The following SYCP2L variants were observed in gnomAD, a reference collection of about 807,000 sequenced individuals.
SYCP2L encodes synaptonemal complex protein 2 like.
SYCP2L carries 98 observed loss-of-function variants against 125.8 expected under a neutral mutation model. The observed-to-expected ratio is 0.78, with a 90% CI of 0.66 to 0.92. The LOEUF (loss-of-function observed/expected upper bound fraction) is 0.92, where lower values mean the gene tolerates loss of function less well. Ranked by LOEUF, SYCP2L falls within the 40% of genes least tolerant of loss-of-function variation. The pLI is 0.00. For synonymous variants in SYCP2L, 317 were observed against 325.4 expected (o/e 0.97, Z 0.28); for missense variants, 842 against 936.4 (o/e 0.90, Z 1.32).
chr6:10,927,208 TA>T (rs1780912883), intron 16 of SYCP2L, 31 bp from the exon 17 acceptor site: 1 of 1,612,802 alleles, frequency 6.2e-7, no homozygotes. Context: ...TGTGCACGGT[TA>T]TTATATTAGT....
At chr6:10,937,419 C>T (rs1215415498) in intron 21 of SYCP2L, among the ~76,000 whole-genome samples, 7 of 151,966 alleles carry the variant, frequency 4.6e-5, no homozygotes, top group Admixed American at 4.6e-4. Context: ...CCAAAATTTA[C>T]AGGATGCAGC....
At chr6:10,914,650 T>G (rs1260195272) in intron 14 of SYCP2L, among the ~76,000 whole-genome samples, 3 of 152,148 alleles carry the variant, frequency 2.0e-5, no homozygotes, top group Non-Finnish European at 4.4e-5. Context: ...TGTTTCCATT[T>G]GTTTGTGTCG....
At chr6:10,889,393 C>G (rs565861867) in intron 1 of SYCP2L, among the ~76,000 whole-genome samples, 8 of 152,254 alleles carry the variant, frequency 5.3e-5, no homozygotes, top group African/African-American at 1.7e-4. Flanking sequence ...ATATCCATCA[C>G]CTCAAATATT....
At chr6:10,957,374 T>C (rs1224106075) in intron 25 of SYCP2L, among the ~76,000 whole-genome samples, 1 of 152,202 alleles carries the variant, frequency 6.6e-6, no homozygotes, top group Non-Finnish European at 1.5e-5. Context: ...TTTGCCCCAG[T>C]GGGACCAAGT....
In SYCP2L at chr6:10,966,277, A is replaced by C. The variant is rs147310122; in HGVS notation, c.*37+2434A>C. The stretch of plus-strand genomic sequence containing the variant: ...TATTAGGGAATCTACTAATACATTA[A>C]TTACCAGTAGATCTAGGGAGAAAAA... On this transcript the variant is annotated intron_variant, in intron 29 of 29. Transcript: ENST00000283141. Among the ~76,000 whole-genome samples the C allele has an allele frequency of 3.3e-4, 51 of 152,328 alleles. 1 individual carries two copies. The East Asian group carries it at 8.7e-3, about 26-fold the overall frequency.
chr6:10,956,416 T>C (rs7759825), intron 25 of SYCP2L, among the ~76,000 whole-genome samples, 174 bp downstream of exon 25: 42,333 of 151,960 alleles, frequency 0.28, 5,981 homozygotes, highest in Middle Eastern at 0.32. Flanking sequence ...TTAGAGGAAA[T>C]GGGAGATGTT....
At chr6:10,930,264 C>T in intron 18 of SYCP2L, 106 bp from the exon 19 acceptor site, 1 of 1,194,176 alleles carries the variant, frequency 8.4e-7, no homozygotes, top group East Asian at 2.4e-5. Context: ...GCCCAGTCTT[C>T]TAGAAGGGTA....
Position 10,906,703 on chromosome 6 carries a change from C to T in SYCP2L, c.676+649C>T, listed in dbSNP as rs537704553. 4.6e-5 allele frequency among the ~76,000 whole-genome samples: 7 copies of T among 151,678 alleles called. No homozygotes were observed. In the East Asian group the frequency reaches 5.8e-4, roughly 13 times the overall value. On this transcript the variant is annotated intron_variant, in intron 9 of 29. Transcript: ENST00000283141. Reference sequence around the variant, plus strand: ...GCCTCCGCCTCCCGTTTTCAAGCGACTCTCCTGCCTCAGCCTCCCGAGTAG... The same window carrying T: ...GCCTCCGCCTCCCGTTTTCAAGCGATTCTCCTGCCTCAGCCTCCCGAGTAG...
At position 10,963,836 on chromosome 6, in the gene SYCP2L, G is replaced by A. The variant is rs778379196; in HGVS notation, c.*30G>A. 2.5e-6 allele frequency: 4 copies of A among 1,613,308 alleles called. No homozygotes were observed. The highest frequency in any genetic ancestry group is 3.3e-5 in the Admixed American group (2 of 60,004). On this transcript the variant is annotated 3_prime_UTR_variant, in exon 29 of 30. Transcript: ENST00000283141. Reference sequence around the variant, plus strand: ...GCCAAAGCCTGGTTTTATGATTGCAGCCCTCAGGTAGGTGCAAAGATTTGC... The same window carrying A: ...GCCAAAGCCTGGTTTTATGATTGCAACCCTCAGGTAGGTGCAAAGATTTGC...
chr6:10,889,034 G>T (rs1208936826), intron 1 of SYCP2L, among the ~76,000 whole-genome samples: 3 of 151,960 alleles, frequency 2.0e-5, no homozygotes, highest in Non-Finnish European at 4.4e-5. Flanking sequence ...GCTAATTTTT[G>T]TATTTTTTAG....
intron 23 of SYCP2L, among the ~76,000 whole-genome samples, chr6:10,947,933 T>C (rs897389504): frequency 2.9e-4 from 44 of 152,172 alleles, no homozygotes; most frequent in African/African-American, 1.1e-3. Context: ...CATAATTTGC[T>C]CTGAGTTTTT....
chr6:10,927,476 T>C (rs1420281351), intron 17 of SYCP2L, 109 bp downstream of exon 17: 2 of 818,226 alleles, frequency 2.4e-6, no homozygotes, highest in African/African-American at 3.4e-5. Context: ...ACATCACATG[T>C]CGGTAGGTTC....
At chr6:10,941,093 A>G (rs1249803698) in intron 21 of SYCP2L, among the ~76,000 whole-genome samples, 3 of 152,248 alleles carry the variant, frequency 2.0e-5, no homozygotes, top group African/African-American at 4.8e-5. Flanking sequence ...AAAATCGTCT[A>G]GCCGTATGTA....
chr6:10,947,913 C>G (rs1421630361), intron 23 of SYCP2L, among the ~76,000 whole-genome samples: 1 of 151,966 alleles, frequency 6.6e-6, no homozygotes, highest in Non-Finnish European at 1.5e-5. Flanking sequence ...TAAAGAAGTT[C>G]CTTTCTACTC....
At chr6:10,944,228 T>A (rs537217362) in intron 23 of SYCP2L, among the ~76,000 whole-genome samples, 1 of 152,356 alleles carries the variant, frequency 6.6e-6, no homozygotes, top group Non-Finnish European at 1.5e-5. Context: ...TTCTGATATA[T>A]GTGTGTGTGG....
At chr6:10,888,486 G>C (rs1318325604) in intron 1 of SYCP2L, among the ~76,000 whole-genome samples, 1 of 152,110 alleles carries the variant, frequency 6.6e-6, no homozygotes, top group East Asian at 1.9e-4. Flanking sequence ...TTTCCTGTCA[G>C]GTTCCTACCC....
intron 10 of SYCP2L, among the ~76,000 whole-genome samples, chr6:10,909,423 C>T (rs374401758): frequency 3.9e-5 from 6 of 152,132 alleles, no homozygotes; most frequent in South Asian, 2.1e-4. Flanking sequence ...CCACCACGTC[C>T]GGCCCGAATT....
intron 9 of SYCP2L, 65 bp from the exon 10 acceptor site, chr6:10,907,477 G>A: frequency 1.3e-6 from 2 of 1,487,394 alleles, no homozygotes; most frequent in South Asian, 2.7e-5. Flanking sequence ...GCTAAATCTG[G>A]AACTCATTTT....
Position 10,931,444 on chromosome 6 carries a change from G to C in SYCP2L, c.1638G>C (p.Leu546Phe), listed in dbSNP as rs758295777. The stretch of plus-strand genomic sequence containing the variant: ...ACTTGTTTTCTTTCAATTTAGTCTT[G>C]CCAGTTTTCCCTCCCAGTAGTGGCA... ...KTRTRSNLRI[L>F]PVFPPSSGSG... The change falls in exon 20 of 30, where the codon TTG becomes TTC. Residue 546 changes from leucine to phenylalanine, a missense_variant. Transcript: ENST00000283141. The C allele has an allele frequency of 1.2e-6, 2 of 1,613,982 alleles. No homozygotes were observed. The highest frequency in any genetic ancestry group is 1.7e-6 in the Non-Finnish European group (2 of 1,179,904).
Sources: gnomAD v4.1 joint callset for allele counts (sites outside exome capture counted in the v4.1 genomes callset) on GRCh38, gnomAD v4.1.1 for gene constraint, MANE v1.5 for transcripts, NCBI Gene and HGNC (gene_info 2026-07-23, HGNC 2026-07-21) for gene names.